CFAP299: variants seen among roughly 807,000 people sequenced by gnomAD.
CFAP299 encodes the protein cilia- and flagella-associated protein 299.
A neutral mutation model predicts 27.0 loss-of-function variants in CFAP299; 21 were observed. The observed-to-expected ratio is 0.78, with a 90% confidence interval of 0.55 to 1.12. The LOEUF is 1.12. Ranked by LOEUF, CFAP299 falls within the 50% of genes most tolerant of loss-of-function variation. The pLI is 0.00. For synonymous variants in CFAP299, 104 were observed against 98.1 expected (o/e 1.06, Z -0.36); for missense variants, 310 against 276.6 (o/e 1.12, Z -0.86).
At chr4:80,920,739 G>A (rs1435559530) in intron 4 of CFAP299, among the ~76,000 whole-genome samples, 1 of 152,046 alleles carries the variant, frequency 6.6e-6, no homozygotes, top group Admixed American at 6.6e-5. Context: ...GTAAGCTCTG[G>A]TCTCTGTTTC....
intron 3 of CFAP299, among the ~76,000 whole-genome samples, chr4:80,687,677 G>A (rs1305605837): frequency 2.6e-5 from 4 of 152,150 alleles, no homozygotes; most frequent in Non-Finnish European, 5.9e-5. Context: ...GCATTCTGGA[G>A]GGAGGAGGCA....
intron 2 of CFAP299, among the ~76,000 whole-genome samples, chr4:80,467,447 C>T: frequency 6.6e-6 from 1 of 152,234 alleles, no homozygotes; most frequent in East Asian, 1.9e-4. Flanking sequence ...TGAATAGTCC[C>T]TTCCTCTTTC....
intron 2 of CFAP299, among the ~76,000 whole-genome samples, chr4:80,538,217 T>A (rs1733835449): frequency 6.6e-6 from 1 of 152,070 alleles, no homozygotes; most frequent in Admixed American, 6.6e-5. Flanking sequence ...AAAAATTAAA[T>A]CTTAAAAAAT....
intron 3 of CFAP299, among the ~76,000 whole-genome samples, chr4:80,830,060 C>T (rs1035546826): frequency 6.6e-6 from 1 of 151,956 alleles, no homozygotes; most frequent in Non-Finnish European, 1.5e-5. Context: ...AAAATGGTTA[C>T]AATGGTAAAT....
At chr4:80,392,507 A>G (rs1356263407) in intron 2 of CFAP299, among the ~76,000 whole-genome samples, 2 of 152,164 alleles carry the variant, frequency 1.3e-5, no homozygotes, top group Non-Finnish European at 2.9e-5. Flanking sequence ...TGTTCTCATG[A>G]TAGTGAGTGA....
chr4:80,919,075 T>G (rs1194851883), intron 4 of CFAP299, among the ~76,000 whole-genome samples: 1 of 152,102 alleles, frequency 6.6e-6, no homozygotes, highest in Non-Finnish European at 1.5e-5. Flanking sequence ...ATCCAGGAAG[T>G]GTCTGTAGTT....
chr4:80,606,546 G>T (rs1737688231), intron 3 of CFAP299, among the ~76,000 whole-genome samples: 1 of 152,094 alleles, frequency 6.6e-6, no homozygotes, highest in African/African-American at 2.4e-5. Context: ...TTAAAAAAAA[G>T]ATATGTAGCC....
chr4:80,479,123 T>C (rs970671050), intron 2 of CFAP299, among the ~76,000 whole-genome samples: 1 of 152,030 alleles, frequency 6.6e-6, no homozygotes, highest in Non-Finnish European at 1.5e-5. Context: ...AGAAATGATA[T>C]AACAATTTTA....
At chr4:80,721,229 T>G (rs1430599507) in intron 3 of CFAP299, among the ~76,000 whole-genome samples, 3 of 152,154 alleles carry the variant, frequency 2.0e-5, no homozygotes, top group African/African-American at 7.2e-5. Context: ...TCCAAGAAGC[T>G]CAATGAATCC....
At chr4:80,562,667 A>G in intron 2 of CFAP299, among the ~76,000 whole-genome samples, 1 of 145,218 alleles carries the variant, frequency 6.9e-6, no homozygotes, top group South Asian at 2.2e-4. Flanking sequence ...CAATAATAAT[A>G]ATAATAATAA....
At chr4:80,597,542 T>TACTTC in intron 3 of CFAP299, among the ~76,000 whole-genome samples, 1 of 152,214 alleles carries the variant, frequency 6.6e-6, no homozygotes, top group Non-Finnish European at 1.5e-5. Context: ...GTGGTCCAAT[T>TACTTC]TATTAATCTT....
At chr4:80,734,036 C>A (rs1392490764) in intron 3 of CFAP299, among the ~76,000 whole-genome samples, 1 of 152,016 alleles carries the variant, frequency 6.6e-6, no homozygotes, top group Non-Finnish European at 1.5e-5. Flanking sequence ...TTTTAAGGAA[C>A]CTCCATACTG....
At chr4:80,744,199 C>A (rs574607332) in intron 3 of CFAP299, among the ~76,000 whole-genome samples, 2 of 152,254 alleles carry the variant, frequency 1.3e-5, no homozygotes, top group East Asian at 3.9e-4. Flanking sequence ...AAACTTGTCT[C>A]ATTTTCAAGA....
intron 2 of CFAP299, among the ~76,000 whole-genome samples, chr4:80,399,398 T>A (rs1726007838): frequency 6.6e-6 from 1 of 152,120 alleles, no homozygotes; most frequent in South Asian, 2.1e-4. Flanking sequence ...ACACATATGT[T>A]TATTGCAGCA....
At chr4:80,502,121 A>G (rs181127782) in intron 2 of CFAP299, among the ~76,000 whole-genome samples, 8 of 152,248 alleles carry the variant, frequency 5.3e-5, no homozygotes, top group African/African-American at 1.9e-4. Flanking sequence ...GCAAACCACA[A>G]TTATATTCAA....
At chr4:80,420,839 T>C (rs1005166283) in intron 2 of CFAP299, among the ~76,000 whole-genome samples, 2 of 152,156 alleles carry the variant, frequency 1.3e-5, no homozygotes, top group Non-Finnish European at 2.9e-5. Context: ...TTAATAGGTT[T>C]CCCTCACCTG....
intron 2 of CFAP299, among the ~76,000 whole-genome samples, chr4:80,502,569 A>G (rs1731797176): frequency 6.6e-6 from 1 of 152,022 alleles, no homozygotes; most frequent in Non-Finnish European, 1.5e-5. Flanking sequence ...TGATTTCTGT[A>G]TAGCATTTGT....
chr4:80,478,092 C>A (rs539639787), intron 2 of CFAP299, among the ~76,000 whole-genome samples: 4 of 152,316 alleles, frequency 2.6e-5, no homozygotes, highest in Non-Finnish European at 5.9e-5. Flanking sequence ...CAAAAACTAT[C>A]TCCTTCCTCA....
intron 2 of CFAP299, among the ~76,000 whole-genome samples, chr4:80,515,913 T>C (rs1438780406): frequency 6.6e-6 from 1 of 152,138 alleles, no homozygotes; most frequent in African/African-American, 2.4e-5. Flanking sequence ...ATAATTTACA[T>C]GTTAATAATA....
Sources: allele counts gnomAD v4.1 joint callset (sites outside exome capture counted in the v4.1 genomes callset), GRCh38; gene constraint gnomAD v4.1.1; transcripts MANE v1.5; gene names NCBI Gene and HGNC (gene_info 2026-07-23, HGNC 2026-07-21).